The following C11orf16 variants were observed in gnomAD, a reference collection of about 807,000 sequenced individuals.
C11orf16 encodes chromosome 11 open reading frame 16, also known as uncharacterized protein C11orf16.
C11orf16 carries 38 observed loss-of-function variants against 45.1 expected under a neutral mutation model. That is an observed-to-expected ratio of 0.84 (90% CI 0.65 to 1.10). The LOEUF (loss-of-function observed/expected upper bound fraction) is 1.10, where lower values mean the gene tolerates loss of function less well. C11orf16 is among the 50% of genes least tolerant of loss of function. The pLI, the probability that C11orf16 is intolerant of heterozygous loss-of-function variation, is 0.00. For synonymous variants in C11orf16, 221 were observed against 222.0 expected, an observed-to-expected ratio of 1.00 and a Z score of 0.04; for missense variants, 583 against 569.5, an observed-to-expected ratio of 1.02 and a Z score of -0.24.
In C11orf16 at chr11:8,927,021, G is replaced by A. The variant is rs552242805; in HGVS notation, c.478C>T (p.Leu160=). Residue 160 remains leucine, a synonymous_variant, in exon 4 of 7, where the codon CTG becomes TTG. Coordinates refer to ENST00000326053, the MANE Select transcript of C11orf16 (RefSeq NM_020643.3). Reference sequence around the variant, plus strand: ...TGTTGGCCTGGCTCCCAGAGTGCCAGCACCTTATCCCCTGGTCTCAGTGAG... The same window carrying A: ...TGTTGGCCTGGCTCCCAGAGTGCCAACACCTTATCCCCTGGTCTCAGTGAG... ...GYSLRPGDKV[L]ALWEPGQQQY... 1.2e-5 allele frequency: 20 copies of A among 1,614,104 alleles called. No homozygotes were observed. The East Asian group carries it at 4.2e-4, about 34-fold the overall frequency.
At chr11:8,920,564 G>A in intron 6 of C11orf16, 114 bp from the exon 7 acceptor site, 3 of 537,304 alleles carry the variant, frequency 5.6e-6, no homozygotes, top group South Asian at 2.6e-5. Flanking sequence ...GCTCATACCT[G>A]TAATCCCAAC....
chr11:8,923,429 G>A (rs1047527944), intron 5 of C11orf16, among the ~76,000 whole-genome samples: 4 of 152,162 alleles, frequency 2.6e-5, no homozygotes, highest in Admixed American at 1.3e-4. Context: ...TCTCCAAGCT[G>A]TGCTGGAGCA....
intron 1 of C11orf16, among the ~76,000 whole-genome samples, 195 bp downstream of exon 1, chr11:8,932,705 TC>T (rs1328716323): frequency 1.3e-5 from 2 of 152,072 alleles, no homozygotes; most frequent in Non-Finnish European, 2.9e-5. Context: ...TCCTTCCTCC[TC>T]CCCGGCCACC....
rs11042127 is a variant in C11orf16, at chr11:8,926,039, C to T, written c.628G>A (p.Val210Ile). ...CAGATGGTCAGGGACACCGACTGGACCCCACCTAGGGGCACTTTAGCAGCT... is the reference window on the plus strand; with the variant it reads ...CAGATGGTCAGGGACACCGACTGGATCCCACCTAGGGGCACTTTAGCAGCT... ...GKAAKVPLGG[V>I]QSVSLTIWKK... is the part of the protein sequence containing the mutation. The change falls in exon 5 of 7, where the codon GTC becomes ATC. Residue 210 changes from valine to isoleucine, a missense_variant. By Grantham distance (29) the Val-to-Ile change is conservative (BLOSUM62 3). Transcript: ENST00000326053. 6.2e-7 allele frequency: 1 copy of T among 1,613,880 alleles called. No individual in the cohort carries two copies. Among genetic ancestry groups the T allele is most frequent in the Non-Finnish European group, 8.5e-7 (1 of 1,179,950 alleles).
chr11:8,929,388 C>A lies in C11orf16; in HGVS notation c.313G>T (p.Ala105Ser). ...DGFYYRAQIK[A>S]TPELERQGVL... ...GGTCAGGGACTTGCCTCGGGAGTGGCCTTTATTTGGGCCCGGTAGTAAAAA... is the reference window on the plus strand; with the variant it reads ...GGTCAGGGACTTGCCTCGGGAGTGGACTTTATTTGGGCCCGGTAGTAAAAA... Residue 105 changes from alanine to serine, a missense_variant, in exon 3 of 7, where the codon GCC becomes TCC. Ala to Ser is a moderately conservative substitution (Grantham distance 99). Transcript: ENST00000326053. 1.9e-6 allele frequency: 3 copies of A among 1,613,800 alleles called. No individual in the cohort carries two copies. Among genetic ancestry groups the A allele is most frequent in the South Asian group, 1.1e-5 (1 of 91,032 alleles).
intron 5 of C11orf16, among the ~76,000 whole-genome samples, chr11:8,923,904 G>A (rs902327127): frequency 2.2e-5 from 3 of 136,116 alleles, no homozygotes; most frequent in Non-Finnish European, 4.5e-5. Flanking sequence ...TGTGCCCAGC[G>A]AAATCGCCAC....
intron 5 of C11orf16, among the ~76,000 whole-genome samples, chr11:8,922,494 C>T (rs1433149976): frequency 6.6e-6 from 1 of 152,188 alleles, no homozygotes. Context: ...CAGATTGAAT[C>T]CTGTTTCAGT....
At chr11:8,932,377 G>T in intron 1 of C11orf16, 51 bp from the exon 2 acceptor site, 1 of 1,453,918 alleles carries the variant, frequency 6.9e-7, no homozygotes, top group Non-Finnish European at 9.1e-7. Flanking sequence ...GCAAGCAGTG[G>T]CCACCGGGGC....
chr11:8,925,517 G>T lies in C11orf16; in HGVS notation c.1150C>A (p.Pro384Thr). 5.0e-6 allele frequency: 8 copies of T among 1,614,188 alleles called. No individual in the cohort carries two copies. The highest frequency in any genetic ancestry group is 6.8e-6 in the Non-Finnish European group (8 of 1,180,024). Residue 384 changes from proline to threonine, a missense_variant, in exon 5 of 7, where the codon CCT becomes ACT. Pro to Thr is a conservative substitution (Grantham distance 38). Transcript: ENST00000326053. ...TTTCTCTTCCAATACCTCCACTCAG[G>T]CTGGCAGAGGCCACTCTGTCTCAGA... is the stretch of plus-strand genomic sequence containing the variant. The part of the protein sequence containing the change: ...MPLRQSGLCQ[P>T]EWRYWKRNGP...
rs764073025 is a variant in C11orf16, at chr11:8,932,190, G to C, written c.119C>G (p.Pro40Arg). 1 of 1,594,068 alleles carries C rather than the reference G, an allele frequency of 6.3e-7. No individual in the cohort carries two copies. The highest frequency in any genetic ancestry group is 8.5e-7 in the Non-Finnish European group (1 of 1,170,728). The part of the protein sequence containing the change: ...APPWDLSFTY[P>R]FALQAPWLTG... ...GAGCCAGGGTGCTTGGAGGGCAAAG[G>C]GGTAGGTGAAGGAGAGGTCCCAAGG... The change falls in exon 2 of 7, where the codon CCC becomes CGC. Residue 40 changes from proline to arginine, a missense_variant. Transcript: ENST00000326053.
intron 3 of C11orf16, chr11:8,929,117 A>C: frequency 5.0e-6 from 2 of 401,684 alleles, no homozygotes; most frequent in Middle Eastern, 1.4e-3. Flanking sequence ...AACCTTGCCA[A>C]CCCCTGGACT....
chr11:8,920,436 A>AT lies in C11orf16; in HGVS notation c.*36dup, dbSNP rs757770198. The AT allele has an allele frequency of 2.9e-6, 2 of 678,262 alleles. No individual in the cohort carries two copies. Among genetic ancestry groups the AT allele is most frequent in the South Asian group, 3.2e-5 (2 of 63,154 alleles). The allele number at this position is 678,262 out of a possible 1,614,324, so 42.0% of individuals were successfully genotyped here. A position where few individuals can be genotyped will look rare whatever the true frequency, so the allele number is the denominator to read the frequency against. On this transcript the variant is annotated 3_prime_UTR_variant, in exon 7 of 7. Coordinates refer to ENST00000326053, the MANE Select transcript of C11orf16 (RefSeq NM_020643.3). Reference sequence around the variant, plus strand: ...GTATAACTCTCCTCGAATATTTACCATGTTTATTCTTTACCTATAAAAGGG... The same window carrying AT: ...GTATAACTCTCCTCGAATATTTACCATTGTTTATTCTTTACCTATAAAAGGG...
At chr11:8,921,740 C>T (rs769379985) in intron 5 of C11orf16, among the ~76,000 whole-genome samples, 1 of 152,190 alleles carries the variant, frequency 6.6e-6, no homozygotes, top group Non-Finnish European at 1.5e-5. Context: ...CATCCTCCCA[C>T]CTGCCACCCG....
intron 2 of C11orf16, 22 bp downstream of exon 2, chr11:8,932,120 C>G: frequency 6.4e-7 from 1 of 1,550,406 alleles, no homozygotes; most frequent in African/African-American, 1.4e-5. Flanking sequence ...TCCACTTCCC[C>G]CAGAGGGGCA....
Position 8,921,474 on chromosome 11 carries a change from T to G in C11orf16, c.1246A>C (p.Lys416Gln). The change falls in exon 6 of 7, where the codon AAA (lysine) becomes CAA (glutamine). Residue 416 changes from lysine to glutamine, a missense_variant. Transcript: ENST00000326053. The stretch of plus-strand genomic sequence containing the variant: ...ACTGCAGTTTGTGCTCTCTGCTGTT[T>G]GTGATCCTTTTCTTCTTTGCAGATG... Reference protein sequence around the residue: ...SNICKEEKDHKQQRAQTAVVG... With the variant: ...SNICKEEKDHQQQRAQTAVVG... 6.2e-7 allele frequency: 1 copy of G among 1,614,252 alleles called. No homozygotes were observed.
At chr11:8,926,918 G>T (rs1471571501) in intron 4 of C11orf16, 22 bp downstream of exon 4, 1 of 1,587,300 alleles carries the variant, frequency 6.3e-7, no homozygotes, top group African/African-American at 1.3e-5. Flanking sequence ...GGGCACTGAT[G>T]GGTCAGAGCA....
rs1378977447 is a variant in C11orf16, at chr11:8,921,497, A to G, written c.1223T>C (p.Ile408Thr). ...TTTGTGATCCTTTTCTTCTTTGCAG[A>G]TGTTGGAATATCTTGTTCCTAAACC... ...LGKPGTRYSN[I>T]CKEEKDHKQQ... The change falls in exon 6 of 7, where the codon ATC (isoleucine) becomes ACC (threonine). Residue 408 changes from isoleucine (I) to threonine (T), a missense_variant. Ile to Thr is a moderately conservative substitution (Grantham distance 89, BLOSUM62 -1). Transcript: ENST00000326053. 2.3e-5 allele frequency: 37 copies of G among 1,614,060 alleles called. No homozygotes were observed. The highest frequency in any genetic ancestry group is 2.3e-5 in the Non-Finnish European group (27 of 1,180,040).
At position 8,928,292 on chromosome 11, in the gene C11orf16, A is replaced by C. The variant is rs1238327714; in HGVS notation, c.324+1085T>G. ...CTTCCCTTCATGAATCTACATTCAC[A>C]AAGTAAGTCTGACTCTGAAAAAAAG... On this transcript the variant is annotated intron_variant, in intron 3 of 6. Coordinates refer to ENST00000326053, the MANE Select transcript of C11orf16 (RefSeq NM_020643.3). 2.7e-5 allele frequency among the ~76,000 whole-genome samples: 4 copies of C among 150,624 alleles called. No individual in the cohort carries two copies. The East Asian group carries it at 7.7e-4, about 29-fold the overall frequency.
intron 3 of C11orf16, chr11:8,929,146 G>C: frequency 2.2e-6 from 1 of 446,380 alleles, no homozygotes; most frequent in Non-Finnish European, 3.9e-6. Context: ...CCAGAAATGG[G>C]AGATGACACA....
Sources: gnomAD v4.1 joint callset for allele counts (sites outside exome capture counted in the v4.1 genomes callset) on GRCh38, gnomAD v4.1.1 for gene constraint, MANE v1.5 for transcripts, NCBI Gene and HGNC (gene_info 2026-07-23, HGNC 2026-07-21) for gene names.